The following VCL variants were observed in gnomAD, a reference collection of about 807,000 sequenced individuals.
VCL encodes vinculin.
VCL carries 47 observed loss-of-function variants against 125.7 expected under a neutral mutation model. The ratio of observed to expected loss-of-function variants is 0.37; its 90% confidence interval spans 0.30 to 0.48. The LOEUF is 0.48. VCL is among the 20% of genes least tolerant of loss of function. The pLI, the probability that VCL is intolerant of heterozygous loss-of-function variation, is 0.99. For missense variants in VCL, 1,069 were observed against 1,455.5 expected (o/e 0.73, Z 4.32); for synonymous variants, 458 against 514.6 (o/e 0.89, Z 1.49).
intron 1 of VCL, among the ~76,000 whole-genome samples, chr10:74,037,134 T>TCTCCTGACCTTGTGATCTACCCAC (rs1461156605): frequency 3.3e-5 from 5 of 152,258 alleles, no homozygotes; most frequent in Admixed American, 6.5e-5. Flanking sequence ...ATGGTCTCCA[T>TCTCCTGACCTTGTGATCTACCCAC]CTCCTGACCT....
chr10:74,014,882 T>C (rs1840508932), intron 1 of VCL, among the ~76,000 whole-genome samples: 1 of 152,084 alleles, frequency 6.6e-6, no homozygotes, highest in Non-Finnish European at 1.5e-5. Flanking sequence ...GAGATGGGGT[T>C]TCTGCCATGT....
chr10:74,108,491 T>C (rs1840172218), intron 17 of VCL, among the ~76,000 whole-genome samples: 1 of 151,976 alleles, frequency 6.6e-6, no homozygotes, highest in Non-Finnish European at 1.5e-5. Context: ...TCTTTTTTTC[T>C]TGTTTTGAGA....
intron 2 of VCL, among the ~76,000 whole-genome samples, chr10:74,052,852 A>T (rs1420751637): frequency 1.3e-5 from 2 of 150,308 alleles, no homozygotes; most frequent in African/African-American, 2.4e-5. Context: ...CTGTTGAGAT[A>T]GTCTATGGTT....
intron 1 of VCL, among the ~76,000 whole-genome samples, chr10:74,038,781 T>C (rs1042677185): frequency 1.3e-5 from 2 of 152,234 alleles, no homozygotes; most frequent in African/African-American, 2.4e-5. Flanking sequence ...CAAAACTGTT[T>C]TAATGTTTTT....
At chr10:74,057,115 T>A (rs191786982) in intron 2 of VCL, among the ~76,000 whole-genome samples, 60 of 152,118 alleles carry the variant, frequency 3.9e-4, no homozygotes, top group African/African-American at 1.1e-3. Flanking sequence ...GCTAATTTTT[T>A]AAAATTTTTC....
In VCL at chr10:74,070,923, T is replaced by C. The variant is rs139307959; in HGVS notation, c.391-52T>C. ...TGAATGCTGCACATCTGTGTTACCG[T>C]GTTTGCTAGTTGTCCACCCATGTGA... On this transcript the variant is annotated intron_variant, in intron 3 of 21. Transcript: ENST00000211998. The C allele has an allele frequency of 8.3e-4, 1,344 of 1,611,864 alleles. 3 individuals carry two copies. Among genetic ancestry groups the C allele is most frequent in the Admixed American group, 2.6e-3 (156 of 59,992 alleles).
intron 1 of VCL, among the ~76,000 whole-genome samples, chr10:74,028,797 C>T (rs1179456949): frequency 2.0e-5 from 3 of 152,172 alleles, no homozygotes; most frequent in African/African-American, 7.2e-5. Flanking sequence ...GATTTCCTGT[C>T]ACTAGTCAGG....
chr10:74,070,987 A>G lies in VCL; in HGVS notation c.403A>G (p.Ile135Val). The G allele has an allele frequency of 6.2e-7, 1 of 1,614,154 alleles. No individual in the cohort carries two copies. Among genetic ancestry groups the G allele is most frequent in the East Asian group, 2.2e-5 (1 of 44,880 alleles). The change falls in exon 4 of 22, where the codon ATT (isoleucine) becomes GTT (valine). Residue 135 changes from isoleucine to valine, a missense_variant. Around this residue, in one of 6 missense-constraint regions of VCL, gnomAD observed 760 missense variants for 928.9 expected, o/e 0.82. Coordinates refer to ENST00000211998, the MANE Select transcript of VCL (RefSeq NM_014000.3). ...TFDEAEVRKI[I>V]RVCKGILEYL... ...AATATTTTTTCAGGTCCGTAAAATT[A>G]TTAGAGTTTGCAAAGGAATTTTGGA...
intron 1 of VCL, among the ~76,000 whole-genome samples, chr10:74,017,089 C>T (rs1840558481): frequency 7.2e-6 from 1 of 138,824 alleles, no homozygotes; most frequent in Non-Finnish European, 1.5e-5. Context: ...GCTCTGTCGC[C>T]CAGGCTGGAG....
intron 2 of VCL, among the ~76,000 whole-genome samples, chr10:74,056,487 C>T (rs574612109): frequency 2.6e-5 from 4 of 151,966 alleles, no homozygotes; most frequent in Non-Finnish European, 4.4e-5. Flanking sequence ...TTATGTTGTA[C>T]TTTAAGAGAG....
At chr10:74,027,682 T>C (rs1037530564) in intron 1 of VCL, 6 of 146,260 alleles carry the variant, frequency 4.1e-5, no homozygotes, top group Non-Finnish European at 7.5e-5. Context: ...AGTTTATGGA[T>C]GTGTTGAAGA....
At chr10:74,016,671 G>A (rs1840546430) in intron 1 of VCL, among the ~76,000 whole-genome samples, 1 of 152,046 alleles carries the variant, frequency 6.6e-6, no homozygotes, top group Admixed American at 6.6e-5. Flanking sequence ...TTTAATTTTG[G>A]TAAAATGTAC....
intron 2 of VCL, among the ~76,000 whole-genome samples, chr10:74,058,611 T>G (rs1041120691): frequency 6.6e-6 from 1 of 151,036 alleles, no homozygotes; most frequent in Non-Finnish European, 1.5e-5. Context: ...TTGGTGGGAG[T>G]GAAAGTTGAA....
At chr10:74,055,528 A>T (rs574827713) in intron 2 of VCL, among the ~76,000 whole-genome samples, 1 of 151,674 alleles carries the variant, frequency 6.6e-6, no homozygotes, top group African/African-American at 2.4e-5. Context: ...AAGAAAAAAA[A>T]AATTTTTTTT....
intron 11 of VCL, 125 bp from the exon 12 acceptor site, chr10:74,095,531 A>G (rs2131916009): frequency 2.4e-6 from 3 of 1,228,216 alleles, no homozygotes; most frequent in Non-Finnish European, 3.5e-6. Flanking sequence ...CAAGGCTGCA[A>G]TGAGCTGTTG....
intron 1 of VCL, among the ~76,000 whole-genome samples, chr10:74,001,985 A>G (rs970386186): frequency 6.6e-6 from 1 of 152,202 alleles, no homozygotes; most frequent in Non-Finnish European, 1.5e-5. Context: ...GGATATTTCC[A>G]TAATTAAAAT....
At chr10:74,031,188 A>G (rs980119671) in intron 1 of VCL, among the ~76,000 whole-genome samples, 1 of 152,314 alleles carries the variant, frequency 6.6e-6, no homozygotes, top group East Asian at 1.9e-4. Context: ...TCCTAAGAAG[A>G]TATAGCCCAT....
chr10:74,072,758 C>T lies in VCL; in HGVS notation c.528C>T (p.Asp176=), dbSNP rs746453891. 5.9e-5 allele frequency: 95 copies of T among 1,613,806 alleles called. No homozygotes were observed. The highest frequency in any genetic ancestry group is 1.2e-4 in the African/African-American group (9 of 74,864). Reference sequence around the variant, plus strand: ...TGACTAAGATGGCCAAGATGATTGACGAGAGACAGCAGGAGCTCACTCACC... The same window carrying T: ...TGACTAAGATGGCCAAGATGATTGATGAGAGACAGCAGGAGCTCACTCACC... ...PGMTKMAKMI[D]ERQQELTHQE... Residue 176 remains aspartate, a synonymous_variant, in exon 5 of 22, where the codon GAC becomes GAT. Coordinates refer to ENST00000211998, the MANE Select transcript of VCL (RefSeq NM_014000.3).
rs1273519420 is a variant in VCL, at chr10:74,043,142, A to G, written c.228A>G (p.Pro76=). The G allele has an allele frequency of 1.2e-6, 2 of 1,613,116 alleles. No individual in the cohort carries two copies. Among genetic ancestry groups the G allele is most frequent in the Non-Finnish European group, 1.7e-6 (2 of 1,179,456 alleles). Residue 76 remains proline, a synonymous_variant, in exon 2 of 22, where the codon CCA becomes CCG. Coordinates refer to ENST00000211998, the MANE Select transcript of VCL (RefSeq NM_014000.3). ...AGATTTTGAAGAGAGATATGCCACC[A>G]GCATTTATTAAGTGAGTAATTGAAA... ...EDQILKRDMP[P]AFIKVENACT...
Sources: allele counts gnomAD v4.1 joint callset (sites outside exome capture counted in the v4.1 genomes callset), GRCh38; gene constraint gnomAD v4.1.1; regional missense constraint gnomAD v4.1.1; transcripts MANE v1.5; gene names NCBI Gene and HGNC (gene_info 2026-07-23, HGNC 2026-07-21).